TMPRSS15: variants seen among roughly 807,000 people sequenced by gnomAD.
TMPRSS15 encodes the protein enteropeptidase.
Under a neutral mutation model 125.3 loss-of-function variants are expected in TMPRSS15, and 128 were observed. That is an observed-to-expected ratio of 1.02 (90% CI 0.89 to 1.18). The LOEUF is 1.18. Ranked by LOEUF, TMPRSS15 falls within the 50% of genes most tolerant of loss-of-function variation. The pLI, the probability that TMPRSS15 is intolerant of heterozygous loss-of-function variation, is 0.00. For synonymous variants in TMPRSS15, 446 were observed against 423.2 expected (o/e 1.05, Z -0.66); for missense variants, 1,283 against 1,212.7 (o/e 1.06, Z -0.86).
chr21:18,362,353 G>GTT (rs1406970451), intron 7 of TMPRSS15, among the ~76,000 whole-genome samples: 1 of 152,098 alleles, frequency 6.6e-6, no homozygotes, highest in African/African-American at 2.4e-5. Context: ...TATGGTGAGT[G>GTT]TTTTTTCATC....
At chr21:18,280,511 G>T (rs1297218613) in intron 22 of TMPRSS15, among the ~76,000 whole-genome samples, 2 of 148,368 alleles carry the variant, frequency 1.3e-5, no homozygotes, top group South Asian at 2.1e-4. Flanking sequence ...GGGAGGCAGA[G>T]GTTGCAGCGA....
chr21:18,317,053 T>G (rs564953745), intron 16 of TMPRSS15, among the ~76,000 whole-genome samples: 1 of 152,336 alleles, frequency 6.6e-6, no homozygotes, highest in Non-Finnish European at 1.5e-5. Context: ...TTTTGAAAAC[T>G]ATTAGTGACT....
At chr21:18,427,248 C>T (rs2123203647) in intron 1 of TMPRSS15, among the ~76,000 whole-genome samples, 1 of 152,316 alleles carries the variant, frequency 6.6e-6, no homozygotes, top group Non-Finnish European at 1.5e-5. Flanking sequence ...CTACCCGCTC[C>T]TTGCTCTTTG....
chr21:18,281,802 A>C (rs980877627), intron 21 of TMPRSS15, among the ~76,000 whole-genome samples: 1 of 152,088 alleles, frequency 6.6e-6, no homozygotes, highest in Admixed American at 6.6e-5. Context: ...ATTCACATAT[A>C]GTTAAAGTAA....
intron 18 of TMPRSS15, among the ~76,000 whole-genome samples, chr21:18,305,882 A>C (rs550776619): frequency 6.6e-6 from 1 of 152,340 alleles, no homozygotes; most frequent in African/African-American, 2.4e-5. Flanking sequence ...TCAGAGTTAT[A>C]ATTTGTGCTT....
chr21:18,460,184 G>T (rs867954714), intron 1 of TMPRSS15, among the ~76,000 whole-genome samples: 3 of 151,992 alleles, frequency 2.0e-5, no homozygotes, highest in Middle Eastern at 3.2e-3. Context: ...AACCTCTAGA[G>T]CAATATGGAA....
At chr21:18,325,432 G>A (rs968337974) in intron 16 of TMPRSS15, among the ~76,000 whole-genome samples, 1 of 152,100 alleles carries the variant, frequency 6.6e-6, no homozygotes, top group African/African-American at 2.4e-5. Flanking sequence ...AAGGCAGGCA[G>A]CTTTCTGGGA....
chr21:18,382,242 TAG>T (rs1162971514), intron 4 of TMPRSS15, among the ~76,000 whole-genome samples: 1 of 152,124 alleles, frequency 6.6e-6, no homozygotes, highest in East Asian at 1.9e-4. Context: ...AGGATTAATG[TAG>T]AGAGTAAAAA....
intron 7 of TMPRSS15, among the ~76,000 whole-genome samples, chr21:18,360,776 C>T (rs2075672787): frequency 1.3e-5 from 2 of 152,146 alleles, no homozygotes; most frequent in South Asian, 2.1e-4. Flanking sequence ...TGTTGTGATT[C>T]CATATACATT....
chr21:18,396,852 T>TCTA (rs1569055771), intron 3 of TMPRSS15, among the ~76,000 whole-genome samples: 1 of 113,224 alleles, frequency 8.8e-6, no homozygotes, highest in Non-Finnish European at 1.8e-5. Flanking sequence ...CTATCTATCT[T>TCTA]AAGTCACAAA....
At chr21:18,287,078 T>C (rs916920488) in intron 21 of TMPRSS15, among the ~76,000 whole-genome samples, 11 of 152,250 alleles carry the variant, frequency 7.2e-5, no homozygotes, top group African/African-American at 2.2e-4. Context: ...TACTTTTCTT[T>C]ACTGCATGTA....
chr21:18,372,279 T>C lies in TMPRSS15; in HGVS notation c.578A>G (p.Asp193Gly), dbSNP rs1259088738. 6.2e-7 allele frequency: 1 copy of C among 1,613,334 alleles called. No individual in the cohort carries two copies. Among genetic ancestry groups the C allele is most frequent in the African/African-American group, 1.3e-5 (1 of 74,890 alleles). The change falls in exon 6 of 25, where the codon GAT becomes GGT. Residue 193 changes from aspartate (D) to glycine (G), a missense_variant. Physicochemically the swap from Asp to Gly is moderately conservative, Grantham distance 94. Coordinates refer to ENST00000284885, the MANE Select transcript of TMPRSS15 (RefSeq NM_002772.3). ...ATCAGCTTTTATACACGTTAGAGCA[T>C]CAGTACAAGGACTTGAACCAGGCAG... The part of the protein sequence containing the change: ...ECLPGSSPCT[D>G]ALTCIKADLF...
intron 6 of TMPRSS15, among the ~76,000 whole-genome samples, chr21:18,369,311 C>T (rs2075769419): frequency 6.6e-6 from 1 of 152,108 alleles, no homozygotes; most frequent in South Asian, 2.1e-4. Context: ...CTATGCTCAC[C>T]CACCAAGCTG....
chr21:18,290,948 A>C (rs2074826613), intron 21 of TMPRSS15, among the ~76,000 whole-genome samples: 1 of 152,164 alleles, frequency 6.6e-6, no homozygotes, highest in African/African-American at 2.4e-5. Flanking sequence ...TATTTTTGCA[A>C]TTTTTATGCA....
At chr21:18,385,558 T>A (rs1201240307) in intron 3 of TMPRSS15, among the ~76,000 whole-genome samples, 4 of 152,144 alleles carry the variant, frequency 2.6e-5, no homozygotes, top group Non-Finnish European at 4.4e-5. Context: ...TGTTGAACAT[T>A]ATTAGGTCTA....
At chr21:18,317,856 TCCCA>T (rs2075187188) in intron 16 of TMPRSS15, among the ~76,000 whole-genome samples, 1 of 99,020 alleles carries the variant, frequency 1.0e-5, no homozygotes, top group Non-Finnish European at 1.9e-5. Context: ...TCCCATCCCA[TCCCA>T]TCCCATCCCA....
At chr21:18,314,476 C>T (rs1043835669) in intron 17 of TMPRSS15, among the ~76,000 whole-genome samples, 13 of 152,098 alleles carry the variant, frequency 8.5e-5, no homozygotes, top group Non-Finnish European at 1.2e-4. Flanking sequence ...CAGGGTTTCA[C>T]CATGTTGGTC....
chr21:18,281,081 T>C lies in TMPRSS15; in HGVS notation c.2627A>G (p.Asp876Gly). The change falls in exon 22 of 25, where the codon GAC becomes GGC. Residue 876 changes from aspartate to glycine, a missense_variant. By Grantham distance (94) the Asp-to-Gly change is moderately conservative. Coordinates refer to ENST00000284885, the MANE Select transcript of TMPRSS15 (RefSeq NM_002772.3). Reference protein sequence around the residue: ...PHYNRRRKDNDIAMMHLEFKV... With the variant: ...PHYNRRRKDNGIAMMHLEFKV... ...AAATTCCAGATGCATCATGGCAATG[T>C]CGTTGTCCTTTCTTCGCCTATTGTA... 1 of 1,614,056 alleles carries C rather than the reference T, an allele frequency of 6.2e-7. No homozygotes were observed. The highest frequency in any genetic ancestry group is 8.5e-7 in the Non-Finnish European group (1 of 1,180,006).
chr21:18,458,385 C>G (rs755256386), intron 1 of TMPRSS15, among the ~76,000 whole-genome samples: 14 of 152,134 alleles, frequency 9.2e-5, no homozygotes, highest in Non-Finnish European at 1.9e-4. Context: ...AGTCAATTTA[C>G]TCATATTGAA....
Sources: allele counts gnomAD v4.1 joint callset (sites outside exome capture counted in the v4.1 genomes callset), GRCh38; gene constraint gnomAD v4.1.1; transcripts MANE v1.5; gene names NCBI Gene and HGNC (gene_info 2026-07-23, HGNC 2026-07-21).